Variants in FAM131B observed in about 807,000 individuals in gnomAD.
FAM131B encodes the protein family with sequence similarity 131 member B.
A neutral mutation model predicts 42.0 loss-of-function variants in FAM131B; 19 were observed. The observed-to-expected ratio is 0.45, with a 90% CI of 0.32 to 0.66. The LOEUF (loss-of-function observed/expected upper bound fraction) is 0.66, where lower values mean the gene tolerates loss of function less well. FAM131B is among the 30% of genes least tolerant of loss of function. FAM131B has a pLI of 0.05. For missense variants in FAM131B, 370 were observed against 468.4 expected (o/e 0.79, Z 1.94); for synonymous variants, 183 against 177.6 (o/e 1.03, Z -0.24).
the FAM131B span, chr7:143,381,765 C>T: frequency 1.9e-6 from 3 of 1,577,096 alleles, no homozygotes; most frequent in South Asian, 3.4e-5. Context: ...GAGATTCCCC[C>T]GCCGCCCCCG....
At chr7:143,364,476 A>G (rs981270637), upstream of FAM131B, among the ~76,000 whole-genome samples, 3 of 152,058 alleles carry the variant, frequency 2.0e-5, no homozygotes, top group Non-Finnish European at 4.4e-5. Flanking sequence ...TAATACATAT[A>G]TTTATATATG....
upstream of FAM131B, among the ~76,000 whole-genome samples, chr7:143,364,860 T>G (rs1225892862): frequency 6.6e-6 from 1 of 151,288 alleles, no homozygotes; most frequent in Non-Finnish European, 1.5e-5. Context: ...GGCGGGGGGG[T>G]TCTCTAATTC....
upstream of FAM131B, chr7:143,363,992 G>C (rs1393612342): frequency 6.6e-6 from 1 of 152,206 alleles, no homozygotes; most frequent in Non-Finnish European, 1.5e-5. Flanking sequence ...GAGGAGATGA[G>C]ATTATGGTGA....
chr7:143,372,911 C>T, the FAM131B span, among the ~76,000 whole-genome samples: 1 of 151,560 alleles, frequency 6.6e-6, no homozygotes, highest in African/African-American at 2.4e-5. Flanking sequence ...GTTGAGCCGA[C>T]ATTGTGCCAC....
the FAM131B span, among the ~76,000 whole-genome samples, chr7:143,372,420 G>A: frequency 2.0e-5 from 3 of 152,168 alleles, no homozygotes; most frequent in Admixed American, 1.3e-4. Context: ...AGGGATTGTC[G>A]AAGCACAAAA....
chr7:143,372,602 T>C, the FAM131B span, among the ~76,000 whole-genome samples: 1 of 152,214 alleles, frequency 6.6e-6, no homozygotes, highest in African/African-American at 2.4e-5. Flanking sequence ...TGAGACATGC[T>C]GTAAGTGTAA....
At chr7:143,362,978 C>T (rs750649094), upstream of FAM131B, among the ~76,000 whole-genome samples, 2 of 151,984 alleles carry the variant, frequency 1.3e-5, no homozygotes, top group African/African-American at 2.4e-5. The surrounding 1 kb of genome is among the most constrained non-coding windows in gnomAD (Gnocchi z 7.7). Flanking sequence ...GGGCTCTCTC[C>T]TGGAGAACCC....
the FAM131B span, chr7:143,381,074 G>C: frequency 2.4e-6 from 1 of 421,784 alleles, no homozygotes; most frequent in Non-Finnish European, 3.2e-6. Context: ...CTCAGGGAGT[G>C]GGGGTCTGAG....
In FAM131B at chr7:143,359,140, C is replaced by T. The variant is rs1157214689; in HGVS notation, c.269-116G>A. ...GGCTCCATCCCACTGGGCCAGGCTC[C>T]CCTAAGGACTCCATAGATGGGGTAG... On this transcript the variant is annotated intron_variant, in intron 4 of 6. Transcript: ENST00000443739. This position sits in a 1 kb window ranked among gnomAD's most constrained non-coding sequence, Gnocchi z 5.4. The T allele has an allele frequency of 3.5e-6, 4 of 1,156,466 alleles. No individual in the cohort carries two copies. The highest frequency in any genetic ancestry group is 5.0e-6 in the Non-Finnish European group (4 of 806,214). The allele number at this position is 1,156,466 out of a possible 1,614,324, so 71.6% of individuals were successfully genotyped here.
At chr7:143,365,068 T>TG (rs1804149125), upstream of FAM131B, among the ~76,000 whole-genome samples, 1 of 152,198 alleles carries the variant, frequency 6.6e-6, no homozygotes, top group Non-Finnish European at 1.5e-5. Context: ...TTTATTTTAT[T>TG]GGGATATATT....
At chr7:143,371,752 A>C in the FAM131B span, among the ~76,000 whole-genome samples, 1 of 152,106 alleles carries the variant, frequency 6.6e-6, no homozygotes, top group South Asian at 2.1e-4. Context: ...GAAGGCTATG[A>C]TGGAGATAAT....
chr7:143,358,675 AT>A lies in FAM131B; in HGVS notation c.466+151del. On this transcript the variant is annotated intron_variant, in intron 5 of 6. Transcript: ENST00000443739. The surrounding 1 kb of genome is among the most constrained non-coding windows in gnomAD (Gnocchi z 4.7). ...AATATGTTTGAGGGCACTTATTTGAATTACCACATCAAAATACTTAGAGCTG... is the reference window on the plus strand; with the variant it reads ...AATATGTTTGAGGGCACTTATTTGAATACCACATCAAAATACTTAGAGCTG... 1.6e-6 allele frequency: 1 copy of A among 627,456 alleles called. No homozygotes were observed. Among genetic ancestry groups the A allele is most frequent in the South Asian group, 1.9e-5 (1 of 51,916 alleles). 38.9% of individuals were successfully genotyped at this position (627,456 alleles called of 1,614,324 possible).
In FAM131B at chr7:143,360,039, C is replaced by G; in HGVS notation, c.138+1G>C. 1 of 1,611,086 alleles carries G rather than the reference C, an allele frequency of 6.2e-7. No individual in the cohort carries two copies. The highest frequency in any genetic ancestry group is 8.5e-7 in the Non-Finnish European group (1 of 1,177,682). On this transcript the variant is annotated splice_donor_variant, in intron 2 of 6. Coordinates refer to ENST00000443739, the MANE Select transcript of FAM131B (RefSeq NM_001031690.3). LOFTEE classifies it high-confidence loss of function. ...CTTGGGGTGGCTGAGTGAGGTCTCACCTCAGTCGATGGCCGATGGAGGCTG... is the reference window on the plus strand; with the variant it reads ...CTTGGGGTGGCTGAGTGAGGTCTCAGCTCAGTCGATGGCCGATGGAGGCTG...
At chr7:143,360,519 A>G (rs999132748) in intron 1 of FAM131B, 4 of 611,064 alleles carry the variant, frequency 6.5e-6, no homozygotes, top group African/African-American at 6.0e-5. Flanking sequence ...GAGCTGCTCT[A>G]TGAGGAACTT....
In FAM131B at chr7:143,362,112, CGGCGGGGGGT is replaced by C; in HGVS notation, c.28+454_28+463del. On this transcript the variant is annotated intron_variant, in intron 1 of 6. Transcript: ENST00000443739. The surrounding 1 kb of genome is among the most constrained non-coding windows in gnomAD (Gnocchi z 7.7). ...AAGCACCCGAGCCAGATGGAGGCGG[CGGCGGGGGGT>C]GGCGTGGGGGGCGTGCGAAAGAAAC... 2.3e-6 allele frequency: 2 copies of C among 873,620 alleles called. No homozygotes were observed. The highest frequency in any genetic ancestry group is 5.3e-5 in the South Asian group (1 of 19,018). The allele number at this position is 873,620 out of a possible 1,614,324, so 54.1% of individuals were successfully genotyped here.
intron 6 of FAM131B, 71 bp from the exon 7 acceptor site, chr7:143,357,093 CAAGAGACAGCT>C: frequency 3.3e-6 from 4 of 1,229,842 alleles, no homozygotes; most frequent in African/African-American, 1.5e-5. Flanking sequence ...ACAGACAGCA[CAAGAGACAGCT>C]AAGAGACAGC....
Position 143,359,465 on chromosome 7 carries a change from G to C in FAM131B, c.175-46C>G. On this transcript the variant is annotated intron_variant, in intron 3 of 6. Coordinates refer to ENST00000443739, the MANE Select transcript of FAM131B (RefSeq NM_001031690.3). The surrounding 1 kb of genome is among the most constrained non-coding windows in gnomAD (Gnocchi z 5.4). ...GAAGGGCAGAGGAATAAGAAGGTAC[G>C]GGCGTGCTTTATACATGGAGGAGGT... 2 of 1,453,924 alleles carry C rather than the reference G, an allele frequency of 1.4e-6. No individual in the cohort carries two copies. The highest frequency in any genetic ancestry group is 1.9e-6 in the Non-Finnish European group (2 of 1,039,248). The allele number at this position is 1,453,924 out of a possible 1,614,324, so 90.1% of individuals were successfully genotyped here.
chr7:143,359,662 A>C lies in FAM131B; in HGVS notation c.174+70T>G. The C allele has an allele frequency of 7.1e-7, 1 of 1,408,470 alleles. No individual in the cohort carries two copies. Among genetic ancestry groups the C allele is most frequent in the South Asian group, 1.2e-5 (1 of 81,284 alleles). The allele number at this position is 1,408,470 out of a possible 1,614,324, so 87.2% of individuals were successfully genotyped here. ...AGCCAGGGAATACCGTGCTGGTTGG[A>C]AGGTGCAAGGGAGAAGATGAGGAGG... is the stretch of plus-strand genomic sequence containing the variant. On this transcript the variant is annotated intron_variant, in intron 3 of 6. Coordinates refer to ENST00000443739, the MANE Select transcript of FAM131B (RefSeq NM_001031690.3). This position sits in a 1 kb window ranked among gnomAD's most constrained non-coding sequence, Gnocchi z 5.4.
At chr7:143,376,689 C>G in the FAM131B span, among the ~76,000 whole-genome samples, 1 of 152,296 alleles carries the variant, frequency 6.6e-6, no homozygotes, top group East Asian at 1.9e-4. Flanking sequence ...TCTGCAGTTC[C>G]CTCAGGGAGA....
Sources: gnomAD v4.1 joint callset for allele counts (sites outside exome capture counted in the v4.1 genomes callset) on GRCh38, gnomAD v4.1.1 for gene constraint, Gnocchi (gnomAD v3.1) non-coding constraint, MANE v1.5 for transcripts, NCBI Gene and HGNC (gene_info 2026-07-23, HGNC 2026-07-21) for gene names.